PRKAR2B: variants seen among roughly 807,000 people sequenced by gnomAD.
PRKAR2B encodes protein kinase cAMP-dependent type II regulatory subunit beta, also known as cAMP-dependent protein kinase type II-beta regulatory subunit.
Under a neutral mutation model 49.9 loss-of-function variants are expected in PRKAR2B, and 14 were observed. The ratio of observed to expected loss-of-function variants is 0.28; its 90% CI spans 0.19 to 0.44. The LOEUF (loss-of-function observed/expected upper bound fraction) is 0.44. Among genes scored for constraint, PRKAR2B ranks in the 20% least tolerant of loss-of-function variants. PRKAR2B has a pLI of 1.00. For synonymous variants in PRKAR2B, 196 were observed against 197.7 expected (o/e 0.99, Z 0.07); for missense variants, 393 against 537.9 (o/e 0.73, Z 2.67).
chr7:107,064,769 G>A (rs1794100756), intron 1 of PRKAR2B, among the ~76,000 whole-genome samples: 1 of 152,174 alleles, frequency 6.6e-6, no homozygotes, highest in Admixed American at 6.5e-5. Context: ...GTATCTCTGA[G>A]TATTAATAAT....
intron 1 of PRKAR2B, among the ~76,000 whole-genome samples, chr7:107,052,765 G>A (rs1268061205): frequency 6.6e-6 from 1 of 152,156 alleles, no homozygotes; most frequent in African/African-American, 2.4e-5. Context: ...TTTACAATTT[G>A]CATTCTCTGT....
intron 1 of PRKAR2B, among the ~76,000 whole-genome samples, chr7:107,062,662 C>T (rs1332692757): frequency 1.3e-5 from 2 of 151,962 alleles, no homozygotes; most frequent in East Asian, 1.9e-4. Flanking sequence ...TATCAAAACT[C>T]ATTGAATTGT....
At chr7:107,059,617 C>T (rs1478216222) in intron 1 of PRKAR2B, among the ~76,000 whole-genome samples, 2 of 151,964 alleles carry the variant, frequency 1.3e-5, no homozygotes, top group Non-Finnish European at 2.9e-5. Flanking sequence ...GTAGTATACC[C>T]TTGTATAAAT....
intron 3 of PRKAR2B, among the ~76,000 whole-genome samples, chr7:107,123,466 A>G (rs757627004): frequency 6.6e-6 from 1 of 152,242 alleles, no homozygotes; most frequent in Non-Finnish European, 1.5e-5. Context: ...CTTGGAGATC[A>G]TATTGAACTG....
intron 2 of PRKAR2B, among the ~76,000 whole-genome samples, chr7:107,106,078 G>A (rs945973484): frequency 6.6e-6 from 1 of 152,094 alleles, no homozygotes; most frequent in East Asian, 1.9e-4. Flanking sequence ...TCACCCTTTC[G>A]GGGAATCTGG....
chr7:107,098,318 G>A (rs951219257), intron 2 of PRKAR2B, among the ~76,000 whole-genome samples: 1 of 152,118 alleles, frequency 6.6e-6, no homozygotes, highest in African/African-American at 2.4e-5. Flanking sequence ...TGAATCTTGT[G>A]CATGCATCAC....
chr7:107,125,269 G>T (rs1245588593), intron 3 of PRKAR2B, among the ~76,000 whole-genome samples: 2 of 152,082 alleles, frequency 1.3e-5, no homozygotes, highest in Non-Finnish European at 2.9e-5. Flanking sequence ...CAAGTGATTT[G>T]GGCAAGTTGA....
chr7:107,115,092 A>T (rs1364028806), intron 2 of PRKAR2B, among the ~76,000 whole-genome samples: 2 of 152,068 alleles, frequency 1.3e-5, no homozygotes, highest in Non-Finnish European at 2.9e-5. Context: ...TAGTAATTAC[A>T]TGTCTGGGAT....
intron 4 of PRKAR2B, among the ~76,000 whole-genome samples, chr7:107,129,321 C>T (rs140867712): frequency 1.0e-3 from 158 of 152,248 alleles, no homozygotes; most frequent in Non-Finnish European, 1.7e-3. Flanking sequence ...CCACACATTA[C>T]GAGTTTGTAT....
At chr7:107,157,585 A>G (rs1417868141) in intron 10 of PRKAR2B, among the ~76,000 whole-genome samples, 1 of 152,242 alleles carries the variant, frequency 6.6e-6, no homozygotes, top group Non-Finnish European at 1.5e-5. Flanking sequence ...AAGAGTTCCA[A>G]GTACCACGTT....
chr7:107,082,613 T>G (rs914442597), intron 2 of PRKAR2B, among the ~76,000 whole-genome samples: 7 of 152,214 alleles, frequency 4.6e-5, no homozygotes, highest in Non-Finnish European at 8.8e-5. Context: ...TTTATTTTTT[T>G]GAGATGGAGT....
intron 2 of PRKAR2B, among the ~76,000 whole-genome samples, chr7:107,090,546 CT>C (rs1201321255): frequency 2.0e-5 from 3 of 152,238 alleles, no homozygotes; most frequent in African/African-American, 7.2e-5. Flanking sequence ...TATCTGCCAG[CT>C]GATTTTTAGT....
chr7:107,048,720 G>A (rs979479468), intron 1 of PRKAR2B, among the ~76,000 whole-genome samples: 6 of 152,218 alleles, frequency 3.9e-5, no homozygotes, highest in Non-Finnish European at 8.8e-5. Flanking sequence ...AGTCAGATGG[G>A]TGAAGGTCAT....
chr7:107,103,665 C>G (rs1207366559), intron 2 of PRKAR2B, among the ~76,000 whole-genome samples: 4 of 152,220 alleles, frequency 2.6e-5, no homozygotes, highest in African/African-American at 9.6e-5. Context: ...ATTGTTATGA[C>G]ATGTAATTGT....
intron 1 of PRKAR2B, among the ~76,000 whole-genome samples, chr7:107,051,184 T>TA (rs1793793045): frequency 6.6e-6 from 1 of 152,252 alleles, no homozygotes; most frequent in Non-Finnish European, 1.5e-5. Flanking sequence ...TATATTAACT[T>TA]ACATCATATG....
chr7:107,093,974 G>A (rs571002389), intron 2 of PRKAR2B, among the ~76,000 whole-genome samples: 1 of 152,184 alleles, frequency 6.6e-6, no homozygotes, highest in African/African-American at 2.4e-5. Context: ...ATAAACATAC[G>A]TGTGCATGTG....
At chr7:107,127,155 C>T (rs1245883861) in intron 3 of PRKAR2B, among the ~76,000 whole-genome samples, 2 of 152,144 alleles carry the variant, frequency 1.3e-5, no homozygotes, top group African/African-American at 2.4e-5. Context: ...ATGTTTGTGG[C>T]TATAAACTCC....
At chr7:107,146,229 C>T (rs1232440165) in intron 5 of PRKAR2B, 79 bp from the exon 6 acceptor site, 2 of 1,397,620 alleles carry the variant, frequency 1.4e-6, no homozygotes, top group Non-Finnish European at 9.8e-7. Context: ...TTTTATTTCA[C>T]AGGGCTCTTT....
At chr7:107,113,527 T>C (rs944674432) in intron 2 of PRKAR2B, among the ~76,000 whole-genome samples, 3 of 152,198 alleles carry the variant, frequency 2.0e-5, no homozygotes, top group Admixed American at 6.5e-5. Context: ...TACAAGTTGA[T>C]CCACTTACTC....
Sources: gnomAD v4.1 joint callset for allele counts (sites outside exome capture counted in the v4.1 genomes callset) on GRCh38, gnomAD v4.1.1 for gene constraint, MANE v1.5 for transcripts, NCBI Gene and HGNC (gene_info 2026-07-23, HGNC 2026-07-21) for gene names.